The following ATRNL1 variants were observed in gnomAD, a reference collection of about 807,000 sequenced individuals.
ATRNL1 encodes attractin like 1.
In ATRNL1, 95 loss-of-function variants were observed where a neutral mutation model predicts 182.7. That is an observed-to-expected ratio of 0.52 (90% confidence interval 0.44 to 0.62). ATRNL1 has a LOEUF of 0.62. ATRNL1 is among the 20% of genes least tolerant of loss of function. The pLI, the probability that ATRNL1 is intolerant of heterozygous loss-of-function variation, is 0.00. For synonymous variants in ATRNL1, 576 were observed against 568.3 expected, an observed-to-expected ratio of 1.01 and a Z score of -0.19; for missense variants, 1,471 against 1,679.5, an observed-to-expected ratio of 0.88 and a Z score of 2.17.
At position 115,268,526 on chromosome 10, in the gene ATRNL1, T is replaced by C. The variant is rs150434168; in HGVS notation, c.2100+82T>C. The C allele has an allele frequency of 9.8e-4, 982 of 999,104 alleles. 11 individuals carry two copies. The East Asian group carries it at 0.023, about 23-fold the overall frequency. 61.9% of individuals were successfully genotyped at this position (999,104 alleles called of 1,614,324 possible). On this transcript the variant is annotated intron_variant, in intron 13 of 28. Transcript: ENST00000355044. The stretch of plus-strand genomic sequence containing the variant: ...ATTAGCTTACCATTTAGTAGCACTG[T>C]AGAAAAAAAGCACTTTACACATTAA...
chr10:115,617,429 G>A (rs1251008967), intron 26 of ATRNL1, among the ~76,000 whole-genome samples: 2 of 151,812 alleles, frequency 1.3e-5, no homozygotes, highest in Non-Finnish European at 2.9e-5. Flanking sequence ...GTGCAATTGC[G>A]GCTCACTGCA....
In ATRNL1 at chr10:115,518,386, A is replaced by T. The variant is rs567659029; in HGVS notation, c.3655-877A>T. 7.9e-5 allele frequency among the ~76,000 whole-genome samples: 12 copies of T among 152,066 alleles called. No homozygotes were observed. The South Asian group carries it at 2.5e-3, about 32-fold the overall frequency. On this transcript the variant is annotated intron_variant, in intron 24 of 28. Coordinates refer to ENST00000355044, the MANE Select transcript of ATRNL1 (RefSeq NM_207303.4). ...ATTATTAAAAGAAAAAGAGATTTTA[A>T]TACCTGAATGGTTTAGCTTCAGCAA...
chr10:115,661,953 A>G lies in ATRNL1; in HGVS notation c.3796-65295A>G, dbSNP rs2133906457. ...CTCCTCCCACCCCACAACAGGCCCC[A>G]GTGTGCGATGTTCCCCTTCCTGTGT... On this transcript the variant is annotated intron_variant, in intron 26 of 28. Transcript: ENST00000355044. 3.0e-5 allele frequency among the ~76,000 whole-genome samples: 2 copies of G among 66,092 alleles called. 1 individual carries two copies. Among genetic ancestry groups the G allele is most frequent in the African/African-American group, 1.2e-4 (2 of 16,538 alleles). The allele number at this position is 66,092 out of a possible 152,430, so 43.4% of individuals were successfully genotyped here. A position where few individuals can be genotyped will look rare whatever the true frequency, so the allele number is the denominator to read the frequency against.
intron 20 of ATRNL1, among the ~76,000 whole-genome samples, chr10:115,402,352 C>T (rs1442758592): frequency 2.0e-5 from 3 of 152,176 alleles, no homozygotes; most frequent in South Asian, 2.1e-4. Context: ...AGGATGTCTG[C>T]ACCCCTGGTT....
At chr10:115,189,388 A>G (rs1848080989) in intron 8 of ATRNL1, among the ~76,000 whole-genome samples, 1 of 152,112 alleles carries the variant, frequency 6.6e-6, no homozygotes, top group South Asian at 2.1e-4. Flanking sequence ...GGTATTCCAG[A>G]AGAAGGCATT....
chr10:115,426,632 T>C (rs980465202), intron 21 of ATRNL1, among the ~76,000 whole-genome samples: 1 of 152,200 alleles, frequency 6.6e-6, no homozygotes, highest in Non-Finnish European at 1.5e-5. Flanking sequence ...ATAGATATTT[T>C]GCAGAATTTT....
chr10:115,577,610 T>TGTGTGTGTGTG (rs1854799485), intron 26 of ATRNL1, among the ~76,000 whole-genome samples: 1 of 135,016 alleles, frequency 7.4e-6, no homozygotes, highest in Non-Finnish European at 1.6e-5. Context: ...TTCTAACAGG[T>TGTGTGTGTGTG]TGTGTGTGTG....
At chr10:115,890,316 C>G (rs1952049655) in intron 28 of ATRNL1, among the ~76,000 whole-genome samples, 2 of 152,150 alleles carry the variant, frequency 1.3e-5, no homozygotes, top group Admixed American at 1.3e-4. Flanking sequence ...TTCACCAGCT[C>G]TAACATGGTT....
chr10:115,517,828 C>T (rs1459496209), intron 24 of ATRNL1, among the ~76,000 whole-genome samples: 1 of 151,732 alleles, frequency 6.6e-6, no homozygotes, highest in African/African-American at 2.4e-5. Context: ...CTTTGATAAG[C>T]TTCCTTTCTA....
chr10:115,692,486 T>C (rs1176671174), intron 26 of ATRNL1, among the ~76,000 whole-genome samples: 3 of 152,122 alleles, frequency 2.0e-5, no homozygotes, highest in African/African-American at 7.2e-5. Flanking sequence ...CTGCATTACA[T>C]TTAAGAGCCT....
At chr10:115,189,098 G>A (rs184265546) in intron 8 of ATRNL1, among the ~76,000 whole-genome samples, 1 of 152,116 alleles carries the variant, frequency 6.6e-6, no homozygotes, top group East Asian at 1.9e-4. Context: ...AGATTATTCT[G>A]GAACTGAAAA....
At chr10:115,112,747 T>G (rs1844312930) in intron 1 of ATRNL1, among the ~76,000 whole-genome samples, 1 of 152,186 alleles carries the variant, frequency 6.6e-6, no homozygotes, top group Non-Finnish European at 1.5e-5. Flanking sequence ...AGGAGACTAT[T>G]CACATCAATT....
intron 9 of ATRNL1, among the ~76,000 whole-genome samples, chr10:115,235,214 T>C (rs1850128500): frequency 6.6e-6 from 1 of 152,232 alleles, no homozygotes; most frequent in African/African-American, 2.4e-5. Context: ...GTTAAATTTT[T>C]GTGAAAAAAC....
In ATRNL1 at chr10:115,947,988, G is replaced by C. The variant is rs1953914187; in HGVS notation, c.*3209G>C. The C allele has an allele frequency of 6.6e-6, 1 of 152,178 alleles. No individual in the cohort carries two copies. Among genetic ancestry groups the C allele is most frequent in the South Asian group, 2.1e-4 (1 of 4,830 alleles). The allele number at this position is 152,178 out of a possible 1,614,324, so 9.4% of individuals were successfully genotyped here. A position where few individuals can be genotyped will look rare whatever the true frequency, so the allele number is the denominator to read the frequency against. ...GTATTAACAACCGTGGGGACACCAG[G>C]CCACTCTTTTTCTACCAGTTGTTTT... On this transcript the variant is annotated 3_prime_UTR_variant, in exon 29 of 29. Transcript: ENST00000355044.
At chr10:115,386,326 C>T (rs547785768) in intron 19 of ATRNL1, among the ~76,000 whole-genome samples, 5 of 152,186 alleles carry the variant, frequency 3.3e-5, no homozygotes, top group Non-Finnish European at 7.4e-5. Context: ...TTAATGTTTG[C>T]GGCAGCGCTC....
At chr10:115,471,243 A>T (rs1161004371) in intron 24 of ATRNL1, among the ~76,000 whole-genome samples, 1 of 150,946 alleles carries the variant, frequency 6.6e-6, no homozygotes, top group Non-Finnish European at 1.5e-5. Flanking sequence ...TTATGCTTTC[A>T]TCTATCCATG....
chr10:115,494,239 C>T (rs1554977459), intron 24 of ATRNL1, among the ~76,000 whole-genome samples: 1 of 152,088 alleles, frequency 6.6e-6, no homozygotes, highest in East Asian at 1.9e-4. Flanking sequence ...TTTGGTCAGA[C>T]ACTATGAGGT....
chr10:115,586,668 A>C (rs1261399444), intron 26 of ATRNL1, among the ~76,000 whole-genome samples: 1 of 119,658 alleles, frequency 8.4e-6, no homozygotes, highest in African/African-American at 2.7e-5. Context: ...AATTTTTTTC[A>C]GAGTTTTCAA....
At chr10:115,938,309 G>C (rs1953623429) in intron 28 of ATRNL1, among the ~76,000 whole-genome samples, 1 of 152,180 alleles carries the variant, frequency 6.6e-6, no homozygotes. Context: ...CTAAATTCCT[G>C]ATGTTTCTCC....
Sources: gnomAD v4.1 joint callset for allele counts (sites outside exome capture counted in the v4.1 genomes callset) on GRCh38, gnomAD v4.1.1 for gene constraint, MANE v1.5 for transcripts, NCBI Gene and HGNC (gene_info 2026-07-23, HGNC 2026-07-21) for gene names.